UNC79: variants seen among roughly 807,000 people sequenced by gnomAD.
UNC79 encodes protein unc-79 homolog.
UNC79 carries 37 observed loss-of-function variants against 283.1 expected under a neutral mutation model. The ratio of observed to expected loss-of-function variants is 0.13; its 90% CI spans 0.10 to 0.17. The LOEUF (loss-of-function observed/expected upper bound fraction) is 0.17, where lower values mean the gene tolerates loss of function less well. Ranked by LOEUF, UNC79 falls within the 10% of genes least tolerant of loss-of-function variation. The pLI, the probability that UNC79 is intolerant of heterozygous loss-of-function variation, is 1.00. For synonymous variants in UNC79, 1,107 were observed against 1,200.2 expected (o/e 0.92, Z 1.61); for missense variants, 2,272 against 3,211.1 (o/e 0.71, Z 7.07).
intron 31 of UNC79, 187 bp from the exon 35 acceptor site, chr14:93,637,029 T>G (rs2068565802): frequency 1.6e-6 from 1 of 644,202 alleles, no homozygotes; most frequent in Non-Finnish European, 2.8e-6. Context: ...TAGAACTGAA[T>G]GGCAGGTTTG....
chr14:93,593,707 C>A, exon 23 of UNC79: 1 of 1,613,124 alleles, frequency 6.2e-7, no homozygotes, highest in Non-Finnish European at 8.5e-7. Flanking sequence ...AATCCGAGTT[C>A]TCTCAGCTGT....
intron 1 of UNC79, among the ~76,000 whole-genome samples, chr14:93,396,258 C>T: frequency 6.6e-6 from 1 of 150,540 alleles, no homozygotes. Context: ...AAGTCTATCT[C>T]TTTAAAATGT....
chr14:93,380,836 C>T (rs2054651367), intron 1 of UNC79, among the ~76,000 whole-genome samples: 1 of 152,074 alleles, frequency 6.6e-6, no homozygotes, highest in South Asian at 2.1e-4. Context: ...AATATATAGC[C>T]ACACTGCAGA....
chr14:93,413,930 C>A (rs1240439412), intron 1 of UNC79, among the ~76,000 whole-genome samples: 1 of 92,058 alleles, frequency 1.1e-5, no homozygotes, highest in South Asian at 3.4e-4. Context: ...GATATTAGCC[C>A]TTTGTCAGAT....
chr14:93,479,967 C>T (rs1408337162), intron 4 of UNC79, among the ~76,000 whole-genome samples: 2 of 152,164 alleles, frequency 1.3e-5, no homozygotes, highest in Admixed American at 1.3e-4. Context: ...TCACTAAATC[C>T]CTCCTTCTTA....
At chr14:93,605,937 T>C (rs1251817773) in intron 26 of UNC79, among the ~76,000 whole-genome samples, 1 of 152,184 alleles carries the variant, frequency 6.6e-6, no homozygotes, top group African/African-American at 2.4e-5. Flanking sequence ...TACCTTGCCT[T>C]ACACATCGCT....
intron 13 of UNC79, among the ~76,000 whole-genome samples, chr14:93,541,363 T>G (rs1263660341): frequency 6.6e-6 from 1 of 152,220 alleles, no homozygotes; most frequent in Non-Finnish European, 1.5e-5. Flanking sequence ...ATCTATTCAG[T>G]AGAGATCAAA....
exon 49 of UNC79, chr14:93,706,781 G>A (rs778635073): frequency 1.5e-5 from 24 of 1,614,122 alleles, no homozygotes; most frequent in Admixed American, 5.0e-5. Flanking sequence ...GGACGCTGCC[G>A]GGCTCGGGCC....
At chr14:93,694,958 A>C (rs1219653678) in intron 47 of UNC79, among the ~76,000 whole-genome samples, 3 of 152,260 alleles carry the variant, frequency 2.0e-5, no homozygotes, top group Non-Finnish European at 2.9e-5. Context: ...ATATTATTTT[A>C]AATCATTATA....
intron 1 of UNC79, among the ~76,000 whole-genome samples, chr14:93,379,718 A>AGGGGGGGGGGGGGGGGGG: frequency 2.0e-5 from 1 of 50,556 alleles, no homozygotes; most frequent in Non-Finnish European, 3.9e-5. Context: ...GGAGGGTGGG[A>AGGGGGGGGGGGGGGGGGG]GGGGGGTGAG....
At chr14:93,385,608 A>T (rs1329530812) in intron 1 of UNC79, among the ~76,000 whole-genome samples, 1 of 151,952 alleles carries the variant, frequency 6.6e-6, no homozygotes, top group Admixed American at 6.6e-5. Context: ...GTGAAACCTC[A>T]TCTCTACTAA....
At chr14:93,601,894 A>G (rs2065533770) in intron 25 of UNC79, among the ~76,000 whole-genome samples, 1 of 152,058 alleles carries the variant, frequency 6.6e-6, no homozygotes, top group South Asian at 2.1e-4. Context: ...GGCCGTTTGT[A>G]TATCTTCTTT....
chr14:93,503,604 G>T (rs987387716), intron 7 of UNC79, among the ~76,000 whole-genome samples: 2 of 151,902 alleles, frequency 1.3e-5, no homozygotes, highest in Admixed American at 1.3e-4. Context: ...CATTTTCAAG[G>T]GTGTGTAGAA....
intron 1 of UNC79, among the ~76,000 whole-genome samples, chr14:93,377,065 C>G (rs2054573355): frequency 1.4e-5 from 2 of 147,150 alleles, no homozygotes; most frequent in African/African-American, 5.0e-5. Flanking sequence ...TTGCAAGATT[C>G]AAGAAAGAAG....
intron 5 of UNC79, among the ~76,000 whole-genome samples, chr14:93,495,457 T>C (rs998407626): frequency 1.3e-5 from 2 of 152,148 alleles, no homozygotes; most frequent in African/African-American, 4.8e-5. Flanking sequence ...TCCTAAAACC[T>C]GGGGATTACA....
At chr14:93,606,164 C>G (rs929666353) in intron 26 of UNC79, among the ~76,000 whole-genome samples, 1 of 152,142 alleles carries the variant, frequency 6.6e-6, no homozygotes, top group African/African-American at 2.4e-5. Context: ...GATAATTATC[C>G]ATTTTAACAA....
chr14:93,355,016 A>G (rs2054055439), intron 1 of UNC79, among the ~76,000 whole-genome samples: 1 of 151,210 alleles, frequency 6.6e-6, no homozygotes, highest in African/African-American at 2.4e-5. Context: ...TCTTTAGTGT[A>G]GCTCTAATTT....
At chr14:93,662,130 G>A (rs545592512) in intron 39 of UNC79, among the ~76,000 whole-genome samples, 1 of 152,298 alleles carries the variant, frequency 6.6e-6, no homozygotes, top group African/African-American at 2.4e-5. Flanking sequence ...ATTGGCAGGA[G>A]GCTGGGTTGT....
At chr14:93,686,786 C>T in intron 43 of UNC79, 125 bp downstream of exon 46, 1 of 1,038,238 alleles carries the variant, frequency 9.6e-7, no homozygotes, top group South Asian at 1.5e-5. Flanking sequence ...TGAATGAGCC[C>T]CTGTCTTGGG....
Sources: gnomAD v4.1 joint callset for allele counts (sites outside exome capture counted in the v4.1 genomes callset) on GRCh38, gnomAD v4.1.1 for gene constraint, MANE v1.5 for transcripts, NCBI Gene and HGNC (gene_info 2026-07-23, HGNC 2026-07-21) for gene names.